The following KIRREL3 variants were observed in gnomAD, a reference collection of about 807,000 sequenced individuals.
KIRREL3 encodes kin of IRRE-like protein 3.
In KIRREL3, 36 loss-of-function variants were observed where a neutral mutation model predicts 89.7. That is an observed-to-expected ratio of 0.40 (90% CI 0.31 to 0.53). The LOEUF (loss-of-function observed/expected upper bound fraction) is 0.53. Among genes scored for constraint, KIRREL3 ranks in the 20% least tolerant of loss-of-function variants. KIRREL3 has a pLI of 0.49. For missense variants in KIRREL3, 864 were observed against 1,056.6 expected, an observed-to-expected ratio of 0.82 and a Z score of 2.53; for synonymous variants, 445 against 441.4, an observed-to-expected ratio of 1.01 and a Z score of -0.10.
chr11:126,554,919 T>C (rs1234754117), intron 2 of KIRREL3, among the ~76,000 whole-genome samples: 4 of 152,162 alleles, frequency 2.6e-5, no homozygotes, highest in African/African-American at 9.7e-5. Flanking sequence ...GGGCAGCAAC[T>C]GGGCATCGGA....
In KIRREL3 at chr11:126,594,942, T is replaced by C. The variant is rs548429884; in HGVS notation, c.56-32030A>G. On this transcript the variant is annotated intron_variant, in intron 1 of 16. Transcript: ENST00000525144. This position sits in a 1 kb window ranked among gnomAD's most constrained non-coding sequence, Gnocchi z 5.0. ...AACAATGTCTCCTGGTGAAAGTCAC[T>C]TTGCAGCTGCCCTGGGCCCTCGGAC... Among the ~76,000 whole-genome samples, 2 of 152,344 alleles carry C rather than the reference T, an allele frequency of 1.3e-5. No individual in the cohort carries two copies. The highest frequency in any genetic ancestry group is 4.8e-5 in the African/African-American group (2 of 41,596).
intron 1 of KIRREL3, among the ~76,000 whole-genome samples, chr11:126,980,859 A>G (rs80166483): frequency 0.015 from 2,258 of 152,314 alleles, 48 homozygotes; most frequent in African/African-American, 0.051. Flanking sequence ...AGGAAAATCA[A>G]CAACTCACAA....
intron 1 of KIRREL3, among the ~76,000 whole-genome samples, chr11:126,967,864 G>A (rs1949317969): frequency 6.6e-6 from 1 of 152,004 alleles, no homozygotes; most frequent in Non-Finnish European, 1.5e-5. Context: ...CTCTTACAAT[G>A]CACAAGACAA....
intron 1 of KIRREL3, among the ~76,000 whole-genome samples, chr11:126,727,603 G>A (rs1039771300): frequency 2.6e-5 from 4 of 151,846 alleles, no homozygotes; most frequent in Non-Finnish European, 4.4e-5. Flanking sequence ...CAGCTCCCTC[G>A]GGGGGGTCTG....
chr11:126,746,828 A>G (rs1949167690), intron 1 of KIRREL3, among the ~76,000 whole-genome samples: 1 of 152,174 alleles, frequency 6.6e-6, no homozygotes, highest in Non-Finnish European at 1.5e-5. Context: ...GCTTAGCAAG[A>G]ACCTGCGGAG....
At chr11:126,549,921 T>C (rs1939125668) in intron 2 of KIRREL3, 1 of 152,214 alleles carries the variant, frequency 6.6e-6, no homozygotes, top group Admixed American at 6.5e-5. Context: ...AACAGCCTCT[T>C]AGAATAAAAC....
intron 1 of KIRREL3, among the ~76,000 whole-genome samples, chr11:126,700,310 A>AT (rs1947266021): frequency 6.6e-6 from 1 of 152,004 alleles, no homozygotes; most frequent in Non-Finnish European, 1.5e-5. Context: ...GTACACACAC[A>AT]TTTTTCTGTG....
chr11:126,663,175 T>C (rs530686595), intron 1 of KIRREL3, among the ~76,000 whole-genome samples: 17 of 144,766 alleles, frequency 1.2e-4, no homozygotes, highest in South Asian at 9.0e-4. Flanking sequence ...TTTGATATCA[T>C]GTCTGGCTTT....
chr11:126,453,436 C>T (rs1276213170), intron 7 of KIRREL3, among the ~76,000 whole-genome samples: 1 of 152,216 alleles, frequency 6.6e-6, no homozygotes, highest in Non-Finnish European at 1.5e-5. Flanking sequence ...TCAGAGATGA[C>T]AGCCTCTTAG....
chr11:126,982,139 C>T (rs1949739491), intron 1 of KIRREL3, among the ~76,000 whole-genome samples: 1 of 152,200 alleles, frequency 6.6e-6, no homozygotes, highest in African/African-American at 2.4e-5. Flanking sequence ...TAAACCTTTC[C>T]TGGACACAGG....
chr11:126,650,580 A>T (rs1359955397), intron 1 of KIRREL3, among the ~76,000 whole-genome samples: 7 of 152,306 alleles, frequency 4.6e-5, no homozygotes, highest in Admixed American at 1.3e-4. Context: ...CCTTTGCTCC[A>T]TTTCCAAACA....
chr11:126,923,176 C>CTTCTTCTTCTTCTTCTTCT (rs766266024), intron 1 of KIRREL3, among the ~76,000 whole-genome samples: 2 of 17,986 alleles, frequency 1.1e-4, no homozygotes, highest in Non-Finnish European at 2.2e-4. Context: ...TCTTCTTCTT[C>CTTCTTCTTCTTCTTCTTCT]TCTTCTTCTT....
chr11:126,481,009 A>G (rs560359932), intron 4 of KIRREL3, among the ~76,000 whole-genome samples: 30 of 152,168 alleles, frequency 2.0e-4, no homozygotes, highest in Non-Finnish European at 4.0e-4. Context: ...GTAGCCGAAC[A>G]ATGTTTGGAG....
chr11:126,958,658 C>A (rs571311426), intron 1 of KIRREL3, among the ~76,000 whole-genome samples: 1 of 152,354 alleles, frequency 6.6e-6, no homozygotes, highest in South Asian at 2.1e-4. Flanking sequence ...CATAGTTTTT[C>A]TGCTTAATCA....
At position 126,750,276 on chromosome 11, in the gene KIRREL3, C is replaced by T. The variant is rs527979645; in HGVS notation, c.56-187364G>A. Among the ~76,000 whole-genome samples, 26 of 152,258 alleles carry T rather than the reference C, an allele frequency of 1.7e-4. No individual in the cohort carries two copies. The highest frequency in any genetic ancestry group is 4.3e-4 in the African/African-American group (18 of 41,536). ...ACTTCTACTATGGTACTTCCTTCTC[C>T]GTAGCCACCCCATTGAACACATTTC... On this transcript the variant is annotated intron_variant, in intron 1 of 16. Transcript: ENST00000525144. This position sits in a 1 kb window ranked among gnomAD's most constrained non-coding sequence, Gnocchi z 4.2.
intron 1 of KIRREL3, among the ~76,000 whole-genome samples, chr11:126,825,458 T>A (rs1441853042): frequency 6.6e-6 from 1 of 152,166 alleles, no homozygotes; most frequent in East Asian, 1.9e-4. Context: ...AATAATGAGA[T>A]CTAGCAAAGG....
Position 126,742,416 on chromosome 11 carries a change from A to G in KIRREL3, c.56-179504T>C, listed in dbSNP as rs1000563245. ...CATGCCTCAGTGAGCTGGACTGATAATATGGAATGGCCAACATGAAGCAGA... is the reference window on the plus strand; with the variant it reads ...CATGCCTCAGTGAGCTGGACTGATAGTATGGAATGGCCAACATGAAGCAGA... On this transcript the variant is annotated intron_variant, in intron 1 of 16. Coordinates refer to ENST00000525144, the MANE Select transcript of KIRREL3 (RefSeq NM_032531.4). This position sits in a 1 kb window ranked among gnomAD's most constrained non-coding sequence, Gnocchi z 5.3. Among the ~76,000 whole-genome samples, 2 of 152,182 alleles carry G rather than the reference A, an allele frequency of 1.3e-5. No individual in the cohort carries two copies. Among genetic ancestry groups the G allele is most frequent in the Non-Finnish European group, 2.9e-5 (2 of 68,026 alleles).
In KIRREL3 at chr11:126,922,029, C is replaced by CCTATCTAT. The variant is rs61158972; in HGVS notation, c.55+78418_55+78425dup. The stretch of plus-strand genomic sequence containing the variant: ...TATCATCTATCTTCCTATCTATCTT[C>CCTATCTAT]CTATCTATCTATCTTCCTATCTATC... On this transcript the variant is annotated intron_variant, in intron 1 of 16. Coordinates refer to ENST00000525144, the MANE Select transcript of KIRREL3 (RefSeq NM_032531.4). Among the ~76,000 whole-genome samples, 11 of 144,468 alleles carry CCTATCTAT rather than the reference C, an allele frequency of 7.6e-5. No individual in the cohort carries two copies. The East Asian group carries it at 8.3e-4, about 11-fold the overall frequency. The allele number at this position is 144,468 out of a possible 152,430, so 94.8% of individuals were successfully genotyped here.
intron 1 of KIRREL3, among the ~76,000 whole-genome samples, chr11:126,621,398 G>T (rs1943569017): frequency 2.0e-5 from 3 of 152,238 alleles, no homozygotes; most frequent in Admixed American, 2.0e-4. Flanking sequence ...TGCTTGTTCT[G>T]TGAAGTGGAA....
Sources: allele counts gnomAD v4.1 joint callset (sites outside exome capture counted in the v4.1 genomes callset), GRCh38; gene constraint gnomAD v4.1.1; non-coding constraint Gnocchi (gnomAD v3.1); transcripts MANE v1.5; gene names NCBI Gene and HGNC (gene_info 2026-07-23, HGNC 2026-07-21).